Variants in ABI3BP observed in about 807,000 individuals in gnomAD.
ABI3BP encodes target of Nesh-SH3.
In ABI3BP, 216 loss-of-function variants were observed where a neutral mutation model predicts 268.6. That is an observed-to-expected ratio of 0.80 (90% CI 0.72 to 0.90). ABI3BP has a LOEUF of 0.90. Ranked by LOEUF, ABI3BP falls within the 40% of genes least tolerant of loss-of-function variation. The pLI is 0.00. For missense variants in ABI3BP, 2,090 were observed against 2,182.4 expected (o/e 0.96, Z 0.84); for synonymous variants, 730 against 730.0 (o/e 1.00, Z 0.00).
chr3:100,785,650 C>G (rs2097015612), intron 57 of ABI3BP, among the ~76,000 whole-genome samples: 1 of 152,176 alleles, frequency 6.6e-6, no homozygotes, highest in African/African-American at 2.4e-5. Flanking sequence ...CTGCTGTACT[C>G]TCCATCTTAG....
chr3:100,752,985 T>C, intron 65 of ABI3BP, 37 bp from the exon 66 acceptor site: 2 of 1,553,552 alleles, frequency 1.3e-6, no homozygotes, highest in Non-Finnish European at 8.7e-7. Flanking sequence ...AGTATCTGAC[T>C]CTTGGGTCAG....
intron 1 of ABI3BP, among the ~76,000 whole-genome samples, chr3:100,988,749 T>C (rs1219613899): frequency 6.6e-6 from 1 of 152,190 alleles, no homozygotes; most frequent in African/African-American, 2.4e-5. Flanking sequence ...GTGCCAAGCT[T>C]TGTCTCCCCA....
At chr3:100,804,681 G>T in intron 51 of ABI3BP, 111 bp downstream of exon 51, 1 of 953,944 alleles carries the variant, frequency 1.0e-6, no homozygotes, top group Non-Finnish European at 1.7e-6. Context: ...TACAACATGG[G>T]ATTTAAACAT....
intron 51 of ABI3BP, among the ~76,000 whole-genome samples, chr3:100,801,866 C>T (rs1166439172): frequency 6.6e-6 from 1 of 152,060 alleles, no homozygotes. Context: ...CCTATTTTGA[C>T]AAAAAGTATA....
chr3:100,884,968 G>T (rs763662578), intron 6 of ABI3BP, among the ~76,000 whole-genome samples: 1 of 130,126 alleles, frequency 7.7e-6, no homozygotes, highest in Admixed American at 8.7e-5. Flanking sequence ...ATTTTGAAAA[G>T]TGGAAGGAAA....
chr3:100,763,090 C>T (rs2096064574), intron 63 of ABI3BP, among the ~76,000 whole-genome samples: 1 of 152,072 alleles, frequency 6.6e-6, no homozygotes, highest in East Asian at 1.9e-4. Flanking sequence ...CAAATTAGTG[C>T]CAGTGGTAAA....
At chr3:100,883,846 C>A (rs2153386023) in intron 6 of ABI3BP, among the ~76,000 whole-genome samples, 1 of 152,156 alleles carries the variant, frequency 6.6e-6, no homozygotes, top group East Asian at 1.9e-4. Flanking sequence ...ATAAACCTAT[C>A]ATAAGTGTTC....
chr3:100,786,291 C>T (rs1349689630), intron 57 of ABI3BP, among the ~76,000 whole-genome samples: 1 of 152,078 alleles, frequency 6.6e-6, no homozygotes, highest in African/African-American at 2.4e-5. Context: ...CAACAATTGA[C>T]AAATTAAATT....
rs752006383 is a variant in ABI3BP at position 100,835,612 on chromosome 3, A to C, written c.2180T>G (p.Val727Gly). The change falls in exon 28 of 68, where the codon GTG (valine) becomes GGG (glycine). Residue 727 changes from valine (V) to glycine (G), a missense_variant. Coordinates refer to ENST00000471714, the MANE Select transcript of ABI3BP (RefSeq NM_001375547.2). The part of the protein sequence containing the change: ...EPVTVRTEAT[V>G]TTLAPKTSQR... ...TAAGAGGTCATTACCTAATGTTGTCACTGTAGCCTCAGTTCTCACAGTTAC... is the reference window on the plus strand; with the variant it reads ...TAAGAGGTCATTACCTAATGTTGTCCCTGTAGCCTCAGTTCTCACAGTTAC... The C allele has an allele frequency of 1.3e-6, 2 of 1,535,074 alleles. No homozygotes were observed. The highest frequency in any genetic ancestry group is 2.4e-5 in the East Asian group (1 of 40,850).
chr3:100,791,948 C>T (rs1166859146), intron 55 of ABI3BP, among the ~76,000 whole-genome samples: 1 of 151,842 alleles, frequency 6.6e-6, no homozygotes, highest in East Asian at 1.9e-4. Context: ...TGTGTTCTAA[C>T]TCCCTAAATG....
chr3:100,897,402 A>G (rs1019855624), intron 4 of ABI3BP, among the ~76,000 whole-genome samples: 1 of 119,442 alleles, frequency 8.4e-6, no homozygotes, highest in African/African-American at 2.7e-5. Flanking sequence ...TCATATACAT[A>G]AAAAAAAACA....
chr3:100,837,238 T>C (rs947794884), intron 26 of ABI3BP, 67 bp from the exon 27 acceptor site: 11 of 1,308,558 alleles, frequency 8.4e-6, no homozygotes, highest in South Asian at 4.1e-5. Context: ...TGGGTGCTCA[T>C]TGGTGTTTAA....
At chr3:100,974,993 C>A (rs947611605) in intron 1 of ABI3BP, among the ~76,000 whole-genome samples, 1 of 151,828 alleles carries the variant, frequency 6.6e-6, no homozygotes, top group Non-Finnish European at 1.5e-5. Context: ...TAGACAGTCT[C>A]GGCAAAAAAG....
intron 4 of ABI3BP, among the ~76,000 whole-genome samples, chr3:100,895,257 T>G (rs2047126138): frequency 6.6e-6 from 1 of 151,968 alleles, no homozygotes; most frequent in Non-Finnish European, 1.5e-5. Context: ...GAATAAAAAC[T>G]GTAAATGAAG....
chr3:100,763,126 A>T (rs989736707), intron 63 of ABI3BP, among the ~76,000 whole-genome samples: 2 of 152,180 alleles, frequency 1.3e-5, no homozygotes, highest in African/African-American at 4.8e-5. Context: ...CTGATTTAGA[A>T]GGCCCTAAAC....
intron 2 of ABI3BP, chr3:100,911,344 G>T (rs1047334877): frequency 7.3e-6 from 2 of 272,752 alleles, no homozygotes; most frequent in Non-Finnish European, 1.4e-5. Context: ...GGTCCATAAT[G>T]CTTGACCAGG....
rs1326280151 is a variant in ABI3BP at position 100,902,682 on chromosome 3, T to C, written c.264A>G (p.Ala88=). 3 of 1,613,796 alleles carry C rather than the reference T, an allele frequency of 1.9e-6. No homozygotes were observed. The highest frequency in any genetic ancestry group is 2.2e-5 in the South Asian group (2 of 91,034). The change falls in exon 3 of 68, where the codon GCA becomes GCG. Residue 88 remains alanine, a synonymous_variant. Transcript: ENST00000471714. ...GCACAACTATCAGATATTTCGGCTC[T>C]GCATCTGGAAGCAATAACATTATTT... The part of the protein sequence containing the change: ...EGKFTEAIVD[A]EPKYLIVVRP...
chr3:100,867,053 A>C (rs1581149121), intron 9 of ABI3BP, 97 bp from the exon 10 acceptor site: 9 of 860,692 alleles, frequency 1.0e-5, no homozygotes, highest in South Asian at 1.5e-5. Context: ...ATCTAATCTC[A>C]CACTCCTTCC....
chr3:100,839,196 A>G (rs988819359), intron 24 of ABI3BP, among the ~76,000 whole-genome samples: 1 of 152,226 alleles, frequency 6.6e-6, no homozygotes, highest in Non-Finnish European at 1.5e-5. Context: ...TGAATCAGTA[A>G]AGCAATGAAA....
Sources: gnomAD v4.1 joint callset for allele counts (sites outside exome capture counted in the v4.1 genomes callset) on GRCh38, gnomAD v4.1.1 for gene constraint, MANE v1.5 for transcripts, NCBI Gene and HGNC (gene_info 2026-07-23, HGNC 2026-07-21) for gene names.